The following DOCK10 variants were observed in gnomAD, a reference collection of about 807,000 sequenced individuals.
DOCK10 encodes dedicator of cytokinesis 10.
Under a neutral mutation model 280.1 loss-of-function variants are expected in DOCK10, and 145 were observed. The observed-to-expected ratio is 0.52, with a 90% CI of 0.45 to 0.59. The LOEUF is 0.59. Among genes scored for constraint, DOCK10 ranks in the 20% least tolerant of loss-of-function variants. The pLI is 0.00. For synonymous variants in DOCK10, 915 were observed against 942.2 expected, an observed-to-expected ratio of 0.97 and a Z score of 0.53; for missense variants, 2,368 against 2,651.7, an observed-to-expected ratio of 0.89 and a Z score of 2.35.
At chr2:224,782,976 TCGG>T (rs909064536) in intron 50 of DOCK10, among the ~76,000 whole-genome samples, 3 of 152,224 alleles carry the variant, frequency 2.0e-5, no homozygotes, top group Non-Finnish European at 4.4e-5. Flanking sequence ...CTGTACACGT[TCGG>T]GGGAATGCTC....
rs1402720862 is a variant in DOCK10, at chr2:224,797,858, CAAACA to C, written c.4613_4617del (p.Val1538GlyfsTer20). 1 of 1,613,756 alleles carries C rather than the reference CAAACA, an allele frequency of 6.2e-7. No homozygotes were observed. The highest frequency in any genetic ancestry group is 1.7e-5 in the Admixed American group (1 of 59,962). On this transcript the variant is annotated frameshift_variant, in exon 42 of 56. Transcript: ENST00000258390. LOFTEE classifies it high-confidence loss of function. ...TTGCATACAAACAGTCTCAAGGAGG[CAAACA>C]CATGCTTCAGCGCTGTGGCTGACTG...
rs574552153 is a variant in DOCK10 at position 224,862,455 on chromosome 2, C to T, written c.1685+209G>A. 23 of 497,742 alleles carry T rather than the reference C, an allele frequency of 4.6e-5. No individual in the cohort carries two copies. The Admixed American group carries it at 6.5e-4, about 14-fold the overall frequency. 30.8% of individuals were successfully genotyped at this position (497,742 alleles called of 1,614,324 possible). The stretch of plus-strand genomic sequence containing the variant: ...TCATGCATGCAGGGTACATGTGTCA[C>T]GGCCCTCTATTATAAACTGTATTGC... On this transcript the variant is annotated intron_variant, in intron 14 of 55. Transcript: ENST00000258390.
chr2:224,873,854 G>A, intron 11 of DOCK10, 142 bp downstream of exon 11: 1 of 817,574 alleles, frequency 1.2e-6, no homozygotes, highest in East Asian at 2.7e-5. Context: ...GTGTAATGTG[G>A]GAAAAGGCTG....
Position 224,866,270 on chromosome 2 carries a change from A to G in DOCK10, c.1258-1183T>C, listed in dbSNP as rs373999526. Among the ~76,000 whole-genome samples the G allele has an allele frequency of 4.6e-5, 7 of 152,232 alleles. No homozygotes were observed. The East Asian group carries it at 1.2e-3, about 25-fold the overall frequency. Reference sequence around the variant, plus strand: ...TTTTTGGCCTTTTAAAGAGTACAGGACATATATTCTGACATAAATTCAATC... The same window carrying G: ...TTTTTGGCCTTTTAAAGAGTACAGGGCATATATTCTGACATAAATTCAATC... On this transcript the variant is annotated intron_variant, in intron 11 of 55. Coordinates refer to ENST00000258390, the MANE Select transcript of DOCK10 (RefSeq NM_014689.3).
At chr2:224,931,421 C>A in intron 2 of DOCK10, 128 bp downstream of exon 2, 1 of 1,070,286 alleles carries the variant, frequency 9.3e-7, no homozygotes, top group African/African-American at 1.6e-5. Context: ...GATGTGAACT[C>A]CTGCTGCAGA....
chr2:224,807,205 T>G (rs1693447505), intron 33 of DOCK10: 1 of 154,088 alleles, frequency 6.5e-6, no homozygotes, highest in South Asian at 2.0e-4. Context: ...ATCTGAGATT[T>G]GAACATAGGC....
chr2:224,919,223 G>A (rs1442978420), intron 2 of DOCK10, among the ~76,000 whole-genome samples: 1 of 144,932 alleles, frequency 6.9e-6, no homozygotes, highest in Non-Finnish European at 1.5e-5. Flanking sequence ...GTGTATGTGT[G>A]GTGTGAATGT....
rs371434978 is a variant in DOCK10, at chr2:224,787,115, G to A, written c.5562C>T (p.Tyr1854=). ...CTTTCAGATATGACCGATGAATGTC[G>A]TAGTAGAGATCTGACAATTTCTGAA... ...RDFKKLSDLY[Y]DIHRSYLKVA... The change falls in exon 50 of 56, where the codon TAC becomes TAT. Residue 1854 remains tyrosine, a synonymous_variant. Transcript: ENST00000258390. 63 of 1,613,714 alleles carry A rather than the reference G, an allele frequency of 3.9e-5. No homozygotes were observed. In the East Asian group the frequency reaches 5.8e-4, roughly 15 times the overall value.
At chr2:224,783,284 T>A (rs1319832561) in intron 50 of DOCK10, among the ~76,000 whole-genome samples, 1 of 151,782 alleles carries the variant, frequency 6.6e-6, no homozygotes, top group Admixed American at 6.6e-5. Context: ...TTTTTTTTTT[T>A]TTTTTCTTGA....
At chr2:224,961,428 T>TTCTTTCTTTC (rs1553623651) in intron 1 of DOCK10, among the ~76,000 whole-genome samples, 1 of 124,610 alleles carries the variant, frequency 8.0e-6, no homozygotes, top group Non-Finnish European at 1.7e-5. Flanking sequence ...CTTTCTTTCT[T>TTCTTTCTTTC]TCTTTCTTTC....
At chr2:224,830,718 A>G (rs1695169329) in intron 26 of DOCK10, 106 bp from the exon 27 acceptor site, 11 of 539,066 alleles carry the variant, frequency 2.0e-5, no homozygotes, top group East Asian at 6.7e-5. Context: ...GTTAAAATGT[A>G]TTCTTTGAAA....
intron 50 of DOCK10, among the ~76,000 whole-genome samples, chr2:224,780,737 T>TA (rs1173908297): frequency 6.6e-6 from 1 of 151,882 alleles, no homozygotes; most frequent in African/African-American, 2.4e-5. Context: ...CCCGTCTCTC[T>TA]AAAAATACAA....
At chr2:224,789,889 T>C (rs984681053) in intron 47 of DOCK10, among the ~76,000 whole-genome samples, 3 of 152,002 alleles carry the variant, frequency 2.0e-5, no homozygotes, top group Non-Finnish European at 4.4e-5. Context: ...CAAGCGATTC[T>C]CCTGCCTCAG....
intron 55 of DOCK10, among the ~76,000 whole-genome samples, chr2:224,766,467 C>T (rs913616560): frequency 2.6e-5 from 4 of 152,198 alleles, no homozygotes; most frequent in African/African-American, 4.8e-5. Context: ...AAGATAGAAT[C>T]GCTACTTCTG....
In DOCK10 at chr2:224,885,806, CTAAA is replaced by C. The variant is rs1199339432; in HGVS notation, c.613-5_613-2del. 1.1e-5 allele frequency: 17 copies of C among 1,611,408 alleles called. No homozygotes were observed. Among genetic ancestry groups the C allele is most frequent in the Non-Finnish European group, 1.4e-5 (16 of 1,179,314 alleles). On this transcript the variant is annotated splice_acceptor_variant and splice_polypyrimidine_tract_variant and intron_variant, in intron 6 of 55. Coordinates refer to ENST00000258390, the MANE Select transcript of DOCK10 (RefSeq NM_014689.3). LOFTEE classifies it high-confidence loss of function. ...GCTGGAAGTAGCGCTTTTTGAATGA[CTAAA>C]TAAAGGAAAAGATATAAGGAGATAT...
At chr2:225,018,200 C>T (rs113850240) in intron 1 of DOCK10, among the ~76,000 whole-genome samples, 236 of 152,164 alleles carry the variant, frequency 1.6e-3, no homozygotes, top group African/African-American at 5.3e-3. Flanking sequence ...TCAACCATGT[C>T]TGTAGTCTCC....
Position 224,876,220 on chromosome 2 carries a change from T to C in DOCK10, c.749A>G (p.Asn250Ser). 1 of 1,600,510 alleles carries C rather than the reference T, an allele frequency of 6.2e-7. No individual in the cohort carries two copies. The highest frequency in any genetic ancestry group is 1.7e-5 in the Admixed American group (1 of 57,588). The stretch of plus-strand genomic sequence containing the variant: ...AAAGGCATATTTTCTTAGTCTGTTA[T>C]TCTGTGGTATAAAAAGAAAGAAAGA... Reference protein sequence around the residue: ...FLDSCTGVVQNNRLRKYAFEL... With the variant: ...FLDSCTGVVQSNRLRKYAFEL... Residue 250 changes from asparagine (N) to serine (S), a missense_variant and splice_region_variant, in exon 8 of 56, where the codon AAT becomes AGT. Asn to Ser is a conservative substitution (Grantham distance 46). Coordinates refer to ENST00000258390, the MANE Select transcript of DOCK10 (RefSeq NM_014689.3).
At chr2:224,967,948 C>G (rs1473712942) in intron 1 of DOCK10, among the ~76,000 whole-genome samples, 1 of 152,070 alleles carries the variant, frequency 6.6e-6, no homozygotes, top group African/African-American at 2.4e-5. Flanking sequence ...AGGCTTTACT[C>G]TGTCTTGATT....
In DOCK10 at chr2:224,930,231, G is replaced by A. The variant is rs1378500770; in HGVS notation, c.243+1318C>T. The stretch of plus-strand genomic sequence containing the variant: ...AAAAAAAAAAAAAAGAAAGAAAGAA[G>A]AAAGAAAGAAAGAAAAAGACTGTTC... On this transcript the variant is annotated intron_variant, in intron 2 of 55. Coordinates refer to ENST00000258390, the MANE Select transcript of DOCK10 (RefSeq NM_014689.3). 6.2e-5 allele frequency among the ~76,000 whole-genome samples: 9 copies of A among 146,284 alleles called. No individual in the cohort carries two copies. In the East Asian group the frequency reaches 1.2e-3, roughly 20 times the overall value.
Sources: allele counts gnomAD v4.1 joint callset (sites outside exome capture counted in the v4.1 genomes callset), GRCh38; gene constraint gnomAD v4.1.1; transcripts MANE v1.5; gene names NCBI Gene and HGNC (gene_info 2026-07-23, HGNC 2026-07-21).